The following MTR variants were observed in gnomAD, a reference collection of about 807,000 sequenced individuals.
MTR encodes the protein 5-methyltetrahydrofolate-homocysteine methyltransferase, also known as methionine synthase.
A neutral mutation model predicts 154.8 loss-of-function variants in MTR; 84 were observed. That is an observed-to-expected ratio of 0.54 (90% CI 0.45 to 0.65). MTR has a LOEUF of 0.65. Among genes scored for constraint, MTR ranks in the 30% least tolerant of loss-of-function variants. The probability of loss-of-function intolerance (pLI) is 0.00; values close to 1 mark genes in which losing one functional copy is unlikely to be tolerated. For missense variants in MTR, 1,275 were observed against 1,570.2 expected (o/e 0.81, Z 3.18); for synonymous variants, 554 against 553.9 (o/e 1.00, Z 0.00).
rs7527957 is a variant in MTR at position 236,859,570 on chromosome 1, T to C, written c.1954-263T>C. 0.21 allele frequency among the ~76,000 whole-genome samples: 32,409 copies of C among 152,056 alleles called. 3,675 individuals are homozygous for C. Among genetic ancestry groups the C allele is most frequent in the South Asian group, 0.31 (1,492 of 4,816 alleles). ...CTGGAAATTTTGTGTTGAGTTGTTA[T>C]TTTTAGAAAAGAGGGAAAGGAAAGA... On this transcript the variant is annotated intron_variant, in intron 18 of 32. Coordinates refer to ENST00000366577, the MANE Select transcript of MTR (RefSeq NM_000254.3).
chr1:236,878,204 T>A (rs1665537744), intron 24 of MTR, among the ~76,000 whole-genome samples: 1 of 152,226 alleles, frequency 6.6e-6, no homozygotes, highest in African/African-American at 2.4e-5. Context: ...TATCAGTCTC[T>A]TCATATATGG....
At chr1:236,820,459 G>A (rs1661864651) in intron 8 of MTR, 1 of 1,411,120 alleles carries the variant, frequency 7.1e-7, no homozygotes, top group Non-Finnish European at 9.8e-7. Context: ...ACGGAAGACT[G>A]GTCTGCAGCT....
At chr1:236,852,664 C>T (rs370021612) in intron 17 of MTR, 27 bp downstream of exon 17, 106 of 1,593,958 alleles carry the variant, frequency 6.7e-5, no homozygotes, top group African/African-American at 1.7e-4. Flanking sequence ...CTTAGCCCTG[C>T]GGAAACCAGT....
intron 4 of MTR, 134 bp from the exon 5 acceptor site, chr1:236,810,369 G>A: frequency 2.5e-6 from 2 of 787,798 alleles, no homozygotes; most frequent in South Asian, 1.4e-5. Context: ...GGCTTTTAGA[G>A]CTTTTTGGAT....
intron 1 of MTR, among the ~76,000 whole-genome samples, chr1:236,797,856 G>T (rs1660482086): frequency 6.6e-6 from 1 of 151,826 alleles, no homozygotes; most frequent in African/African-American, 2.4e-5. Flanking sequence ...TACTCAGGAG[G>T]CTGAGGCAGG....
intron 7 of MTR, among the ~76,000 whole-genome samples, chr1:236,816,024 TAACTC>T (rs766192668): frequency 7.9e-5 from 12 of 152,182 alleles, no homozygotes; most frequent in Non-Finnish European, 1.3e-4. Flanking sequence ...GCCAATTTAT[TAACTC>T]AGTAGGCAGA....
chr1:236,877,683 A>G (rs1404956683), intron 24 of MTR, among the ~76,000 whole-genome samples: 4 of 152,176 alleles, frequency 2.6e-5, no homozygotes, highest in African/African-American at 4.8e-5. Context: ...GGCTATCACA[A>G]ACAATGCTGC....
rs1667022790 is a variant in MTR, at chr1:236,903,789, C to G, written c.*6145C>G. On this transcript the variant is annotated 3_prime_UTR_variant, in exon 33 of 33. Coordinates refer to ENST00000366577, the MANE Select transcript of MTR (RefSeq NM_000254.3). ...CTTCATTTCCCAGAGAGAAACTCGG[C>G]AAAGAGAAAAAGGACATTTCCCTCC... The G allele has an allele frequency of 6.6e-6, 1 of 151,984 alleles. No homozygotes were observed. The highest frequency in any genetic ancestry group is 1.5e-5 in the Non-Finnish European group (1 of 68,006). The allele number at this position is 151,984 out of a possible 1,614,324, so 9.4% of individuals were successfully genotyped here.
In MTR at chr1:236,897,310, G is replaced by GCGCGCGCGCGCACACACACACACA; in HGVS notation, c.3711+193_3711+194insGCGCGCGCGCACACACACACACAC. 1.7e-3 allele frequency among the ~76,000 whole-genome samples: 216 copies of GCGCGCGCGCGCACACACACACACA among 128,670 alleles called. 2 individuals carry two copies. The highest frequency in any genetic ancestry group is 0.012 in the Middle Eastern group (3 of 252). 84.4% of individuals were successfully genotyped at this position (128,670 alleles called of 152,430 possible). On this transcript the variant is annotated intron_variant, in intron 32 of 32. Transcript: ENST00000366577. ...ACTTCTACATGCAAGCCACACACAC[G>GCGCGCGCGCGCACACACACACACA]CACACACACACACACACACACACAC...
intron 18 of MTR, among the ~76,000 whole-genome samples, chr1:236,858,126 TC>T (rs1319265408): frequency 2.6e-5 from 4 of 152,128 alleles, no homozygotes; most frequent in African/African-American, 4.8e-5. Context: ...ACTAGTCCAT[TC>T]TCATGCTGCT....
intron 22 of MTR, among the ~76,000 whole-genome samples, chr1:236,867,584 AGT>A (rs1664890090): frequency 1.3e-5 from 2 of 152,218 alleles, no homozygotes; most frequent in Admixed American, 1.3e-4. Context: ...TGCCATAGAT[AGT>A]GATGGATCTG....
At chr1:236,795,764 T>C (rs1161479065) in intron 1 of MTR, 27 bp downstream of exon 1, 3 of 1,613,886 alleles carry the variant, frequency 1.9e-6, no homozygotes, top group Non-Finnish European at 2.5e-6. Flanking sequence ...GTCTGCGTGG[T>C]TGGGTTGTGT....
At position 236,889,254 on chromosome 1, in the gene MTR, G is replaced by C. The variant is rs1295830969; in HGVS notation, c.2925G>C (p.Trp975Cys). Residue 975 changes from tryptophan (W) to cysteine (C), a missense_variant, in exon 28 of 33, where the codon TGG becomes TGC. Trp to Cys is a radical substitution (Grantham distance 215). Coordinates refer to ENST00000366577, the MANE Select transcript of MTR (RefSeq NM_000254.3). ...DLQKLVDYID[W>C]KPFFDVWQLR... ...AGAAGCTGGTGGACTACATTGACTG[G>C]AAGCCTTTCTTTGATGTCTGGCAGC... 3.1e-6 allele frequency: 5 copies of C among 1,614,210 alleles called. No homozygotes were observed. Among genetic ancestry groups the C allele is most frequent in the Non-Finnish European group, 4.2e-6 (5 of 1,180,042 alleles).
rs1248890406 is a variant in MTR at position 236,899,188 on chromosome 1, C to T, written c.*1544C>T. 6.6e-6 allele frequency: 1 copy of T among 152,122 alleles called. No homozygotes were observed. Among genetic ancestry groups the T allele is most frequent in the South Asian group, 2.1e-4 (1 of 4,828 alleles). 9.4% of individuals were successfully genotyped at this position (152,122 alleles called of 1,614,324 possible). Reference sequence around the variant, plus strand: ...TTCCAACAGATTTTATTGAATGAAACAAGCAGGTGTTTATATGGAGTAGCA... The same window carrying T: ...TTCCAACAGATTTTATTGAATGAAATAAGCAGGTGTTTATATGGAGTAGCA... On this transcript the variant is annotated 3_prime_UTR_variant, in exon 33 of 33. Transcript: ENST00000366577.
chr1:236,889,461 C>T (rs1666199407), intron 28 of MTR, 125 bp downstream of exon 28: 10 of 1,248,750 alleles, frequency 8.0e-6, no homozygotes, highest in Non-Finnish European at 1.2e-6. Context: ...TTTCATATTG[C>T]TCACCTGCCC....
chr1:236,853,611 T>C (rs1282350988), intron 18 of MTR, among the ~76,000 whole-genome samples: 1 of 152,200 alleles, frequency 6.6e-6, no homozygotes, highest in African/African-American at 2.4e-5. Context: ...TGGGAACATA[T>C]TTCCATTTTA....
intron 22 of MTR, among the ~76,000 whole-genome samples, chr1:236,869,436 G>T (rs1664997973): frequency 6.6e-6 from 1 of 152,162 alleles, no homozygotes; most frequent in African/African-American, 2.4e-5. Flanking sequence ...GGCCTCAAGT[G>T]ATCCTCCTGC....
intron 25 of MTR, among the ~76,000 whole-genome samples, chr1:236,881,654 G>C (rs1665742811): frequency 6.6e-6 from 1 of 152,138 alleles, no homozygotes; most frequent in African/African-American, 2.4e-5. Flanking sequence ...GGTGATCTGC[G>C]AGACTTCCAG....
At chr1:236,842,489 C>A (rs377757940) in intron 15 of MTR, among the ~76,000 whole-genome samples, 2 of 152,098 alleles carry the variant, frequency 1.3e-5, no homozygotes, top group African/African-American at 2.4e-5. Flanking sequence ...TGCTCTGCAT[C>A]GGGTGAGATT....
Sources: allele counts gnomAD v4.1 joint callset (sites outside exome capture counted in the v4.1 genomes callset), GRCh38; gene constraint gnomAD v4.1.1; transcripts MANE v1.5; gene names NCBI Gene and HGNC (gene_info 2026-07-23, HGNC 2026-07-21).